Variants in CRACD observed in about 807,000 individuals in gnomAD.
CRACD encodes capping protein-inhibiting regulator of actin dynamics.
A neutral mutation model predicts 106.8 loss-of-function variants in CRACD; 56 were observed. The observed-to-expected ratio is 0.52, with a 90% CI of 0.42 to 0.66. The LOEUF is 0.66. CRACD is among the 30% of genes least tolerant of loss of function. The pLI is 0.00. For missense variants in CRACD, 1,730 were observed against 1,623.2 expected, an observed-to-expected ratio of 1.07 and a Z score of -1.13; for synonymous variants, 754 against 670.8, an observed-to-expected ratio of 1.12 and a Z score of -1.92.
intron 6 of CRACD, among the ~76,000 whole-genome samples, chr4:56,311,926 G>C (rs149503390): frequency 6.0e-4 from 92 of 152,208 alleles, no homozygotes; most frequent in African/African-American, 2.0e-3. Context: ...CTGTGGGTTC[G>C]GGCTGTGTCA....
intron 3 of CRACD, among the ~76,000 whole-genome samples, chr4:56,273,508 A>G (rs189851671): frequency 3.3e-5 from 5 of 152,172 alleles, no homozygotes; most frequent in Admixed American, 3.3e-4. Context: ...TCAGAAAAGT[A>G]GGGTCAGGAA....
At chr4:56,107,006 G>A (rs943337258) in intron 1 of CRACD, among the ~76,000 whole-genome samples, 2 of 151,970 alleles carry the variant, frequency 1.3e-5, no homozygotes, top group East Asian at 1.9e-4. Context: ...GATCTTGCTC[G>A]GTCACCCATG....
At chr4:56,065,122 C>G (rs770293142) in intron 1 of CRACD, among the ~76,000 whole-genome samples, 1 of 151,602 alleles carries the variant, frequency 6.6e-6, no homozygotes, top group Non-Finnish European at 1.5e-5. Context: ...GAGTCTTGCT[C>G]TGTCGCCCAG....
At chr4:56,177,022 C>A (rs1289497625) in intron 1 of CRACD, among the ~76,000 whole-genome samples, 4 of 152,134 alleles carry the variant, frequency 2.6e-5, no homozygotes. Flanking sequence ...AATTTGACTT[C>A]TTTCTTTGCA....
chr4:56,105,014 TA>T (rs1299509016), intron 1 of CRACD, among the ~76,000 whole-genome samples: 1 of 149,016 alleles, frequency 6.7e-6, no homozygotes, highest in Non-Finnish European at 1.5e-5. Context: ...CCCAAGTAAG[TA>T]AAACTATTCT....
At chr4:56,095,987 G>A (rs2109825832) in intron 1 of CRACD, among the ~76,000 whole-genome samples, 1 of 152,272 alleles carries the variant, frequency 6.6e-6, no homozygotes, top group East Asian at 1.9e-4. Flanking sequence ...GGAGAGTCAA[G>A]GATGATGCCA....
At chr4:56,291,515 C>T (rs755744111) in intron 3 of CRACD, among the ~76,000 whole-genome samples, 3 of 152,094 alleles carry the variant, frequency 2.0e-5, no homozygotes, top group South Asian at 2.1e-4. Context: ...GAACTTTGGG[C>T]AATATTTTTA....
At chr4:56,275,276 T>C (rs1157370069) in intron 3 of CRACD, among the ~76,000 whole-genome samples, 4 of 151,808 alleles carry the variant, frequency 2.6e-5, no homozygotes, top group Non-Finnish European at 5.9e-5. Context: ...GAACGTAAAA[T>C]AAAAGTTAAA....
intron 2 of CRACD, among the ~76,000 whole-genome samples, chr4:56,245,655 G>A (rs1157260694): frequency 6.6e-6 from 1 of 152,182 alleles, no homozygotes; most frequent in Middle Eastern, 3.2e-3. Flanking sequence ...AGCTCCTATT[G>A]TAACACTGGT....
intron 2 of CRACD, among the ~76,000 whole-genome samples, chr4:56,251,930 C>T (rs1372870597): frequency 6.6e-6 from 1 of 152,092 alleles, no homozygotes; most frequent in Admixed American, 6.5e-5. Flanking sequence ...TTACTTCATC[C>T]AGAGCAAGAA....
chr4:56,306,506 G>A (rs901589207), intron 4 of CRACD, among the ~76,000 whole-genome samples: 4 of 148,006 alleles, frequency 2.7e-5, no homozygotes, highest in South Asian at 2.2e-4. Context: ...GAGCGAGACC[G>A]TGTCTCAAAC....
intron 1 of CRACD, among the ~76,000 whole-genome samples, chr4:56,178,658 C>T (rs1165688352): frequency 6.6e-6 from 1 of 152,154 alleles, no homozygotes; most frequent in African/African-American, 2.4e-5. Context: ...GGAGTGACTT[C>T]ATCTTGTATT....
chr4:56,085,060 T>C (rs975103311), intron 1 of CRACD, among the ~76,000 whole-genome samples: 1 of 152,142 alleles, frequency 6.6e-6, no homozygotes, highest in Non-Finnish European at 1.5e-5. Context: ...TGTGTGATTG[T>C]GAGTGGGAAG....
At chr4:56,165,738 C>G (rs931510650) in intron 1 of CRACD, among the ~76,000 whole-genome samples, 7 of 152,142 alleles carry the variant, frequency 4.6e-5, no homozygotes, top group African/African-American at 1.7e-4. Context: ...AGAAATGCTA[C>G]TCAACATACA....
rs943555721 is a variant in CRACD at position 56,116,864 on chromosome 4, C to T, written c.-335-62420C>T. 1.1e-4 allele frequency among the ~76,000 whole-genome samples: 17 copies of T among 151,794 alleles called. No individual in the cohort carries two copies. The East Asian group carries it at 1.2e-3, about 10-fold the overall frequency. On this transcript the variant is annotated intron_variant, in intron 1 of 10. Transcript: ENST00000682029. ...CTGGGATTACAGGCGCACGGCACCA[C>T]GCCTGACTAATTTTTGTATTTTTGG...
intron 1 of CRACD, among the ~76,000 whole-genome samples, chr4:56,159,763 A>G (rs1474375372): frequency 1.3e-5 from 2 of 152,126 alleles, no homozygotes; most frequent in Non-Finnish European, 2.9e-5. Flanking sequence ...AAATATTAAA[A>G]TATTAAAAAT....
At chr4:56,131,298 T>G (rs1290419038) in intron 1 of CRACD, among the ~76,000 whole-genome samples, 1 of 152,184 alleles carries the variant, frequency 6.6e-6, no homozygotes, top group Admixed American at 6.5e-5. Flanking sequence ...TACAAAGTTG[T>G]AGAGTTTGAA....
chr4:56,201,108 ATAAT>A (rs1018162435), intron 2 of CRACD, among the ~76,000 whole-genome samples: 30 of 152,336 alleles, frequency 2.0e-4, no homozygotes, highest in Non-Finnish European at 3.4e-4. Context: ...GACTAATGAG[ATAAT>A]TAATTATTTT....
At chr4:56,110,778 G>GT (rs1417154914) in intron 1 of CRACD, among the ~76,000 whole-genome samples, 1 of 152,094 alleles carries the variant, frequency 6.6e-6, no homozygotes, top group East Asian at 1.9e-4. Flanking sequence ...TGTGTTTTTA[G>GT]TAGAGACGGG....
Sources: allele counts gnomAD v4.1 joint callset (sites outside exome capture counted in the v4.1 genomes callset), GRCh38; gene constraint gnomAD v4.1.1; transcripts MANE v1.5; gene names NCBI Gene and HGNC (gene_info 2026-07-23, HGNC 2026-07-21).